Variants in GSE1 observed in about 807,000 individuals in gnomAD.
GSE1 encodes genetic suppressor element 1.
A neutral mutation model predicts 112.6 loss-of-function variants in GSE1; 32 were observed. The ratio of observed to expected loss-of-function variants is 0.28; its 90% confidence interval spans 0.21 to 0.38. The LOEUF (loss-of-function observed/expected upper bound fraction) is 0.38. Ranked by LOEUF, GSE1 falls within the 10% of genes least tolerant of loss-of-function variation. The pLI is 1.00. For synonymous variants in GSE1, 1,115 were observed against 735.6 expected (o/e 1.52, Z -8.35); for missense variants, 2,348 against 1,699.2 (o/e 1.38, Z -6.71).
chr16:85,567,223 G>A (rs2045795771), intron 1 of GSE1, among the ~76,000 whole-genome samples: 2 of 152,154 alleles, frequency 1.3e-5, no homozygotes, highest in Admixed American at 1.3e-4. Flanking sequence ...GCTGGTGGGT[G>A]GGTCTGCAGG....
Position 85,634,000 on chromosome 16 carries a change from T to G in GSE1, c.94T>G (p.Ser32Ala). Reference protein sequence around the residue: ...TTATVNPLTPSPLNGALVPSG... With the variant: ...TTATVNPLTPAPLNGALVPSG... ...CGCCACCGTCAACCCCCTCACCCCC[T>G]CGCCGCTCAATGGCGCCCTGGTGCC... The change falls in exon 2 of 16, where the codon TCG (serine) becomes GCG (alanine). Residue 32 changes from serine to alanine, a missense_variant. By Grantham distance (99) the Ser-to-Ala change is moderately conservative. Transcript: ENST00000253458. 2 of 1,609,818 alleles carry G rather than the reference T, an allele frequency of 1.2e-6. No individual in the cohort carries two copies. The highest frequency in any genetic ancestry group is 1.7e-6 in the Non-Finnish European group (2 of 1,178,462).
intron 1 of GSE1, among the ~76,000 whole-genome samples, chr16:85,334,228 C>A (rs568907578): frequency 1.3e-5 from 2 of 152,172 alleles, no homozygotes; most frequent in Non-Finnish European, 2.9e-5. Flanking sequence ...TTGCAGGAGT[C>A]GAGCTGGTCC....
chr16:85,664,277 C>T (rs1279724520), intron 11 of GSE1, among the ~76,000 whole-genome samples: 5 of 152,228 alleles, frequency 3.3e-5, no homozygotes, highest in Non-Finnish European at 5.9e-5. Flanking sequence ...TTCAAGTCCT[C>T]GTGGGCCCCT....
chr16:85,362,179 G>T (rs977373239), intron 2 of GSE1, among the ~76,000 whole-genome samples: 1 of 152,256 alleles, frequency 6.6e-6, no homozygotes, highest in Admixed American at 6.5e-5. Context: ...GCTGCCGGGA[G>T]AAGGGTGCAA....
intron 1 of GSE1, among the ~76,000 whole-genome samples, chr16:85,180,780 T>C (rs1305954799): frequency 6.6e-6 from 1 of 151,918 alleles, no homozygotes; most frequent in Admixed American, 6.6e-5. Context: ...GGGAGGGAGA[T>C]GAAGGTAGAT....
intron 1 of GSE1, among the ~76,000 whole-genome samples, chr16:85,202,944 C>T (rs1389983806): frequency 6.6e-6 from 1 of 151,200 alleles, no homozygotes; most frequent in African/African-American, 2.4e-5. Flanking sequence ...CCTCTCCCTT[C>T]GCCTCCTCCC....
chr16:85,468,822 T>C (rs11149750), intron 2 of GSE1, among the ~76,000 whole-genome samples: 149,150 of 152,090 alleles, frequency 0.98, 73,196 homozygotes, highest in Middle Eastern at 1. Context: ...CTGATGGCAT[T>C]GACCATCTAC....
intron 2 of GSE1, among the ~76,000 whole-genome samples, chr16:85,476,333 C>T (rs1259117821): frequency 6.6e-6 from 1 of 152,178 alleles, no homozygotes; most frequent in Non-Finnish European, 1.5e-5. Context: ...AACTTGCAGG[C>T]ACCTGCCGAG....
exon 1 of GSE1, chr16:85,169,614 C>T (rs2074327374): frequency 1.0e-6 from 1 of 982,872 alleles, no homozygotes. Flanking sequence ...CGCTCTCCTG[C>T]TTCATCTGCG....
chr16:85,420,602 TCA>T (rs1414384191), intron 2 of GSE1, among the ~76,000 whole-genome samples: 8 of 152,208 alleles, frequency 5.3e-5, no homozygotes, highest in Non-Finnish European at 1.2e-4. Context: ...GTGACGCGAC[TCA>T]CAAACACTGG....
intron 1 of GSE1, among the ~76,000 whole-genome samples, chr16:85,627,722 C>T (rs993188309): frequency 4.6e-5 from 7 of 152,146 alleles, no homozygotes; most frequent in East Asian, 1.9e-4. Context: ...CACGGTGGAG[C>T]GTATTCCCAG....
Position 85,470,064 on chromosome 16 carries a change from G to T in GSE1, c.2464+112421G>T, listed in dbSNP as rs193009833. On this transcript the variant is annotated intron_variant, in intron 2 of 2. Transcript: ENST00000637419. ...CTGCCCAGAGGCCCCTCCCTGGGAT[G>T]TGCTCACTCTGAGGGTGAGGGCCAC... is the stretch of plus-strand genomic sequence containing the variant. Among the ~76,000 whole-genome samples, 347 of 152,384 alleles carry T rather than the reference G, an allele frequency of 2.3e-3. 3 individuals carry two copies. Among genetic ancestry groups the T allele is most frequent in the Non-Finnish European group, 8.1e-4 (55 of 68,038 alleles).
intron 2 of GSE1, among the ~76,000 whole-genome samples, chr16:85,508,192 C>T (rs755429309): frequency 6.6e-6 from 1 of 152,166 alleles, no homozygotes; most frequent in Non-Finnish European, 1.5e-5. Flanking sequence ...CGTCACCACG[C>T]CCAGCTAATT....
chr16:85,192,747 C>A (rs144429531), intron 1 of GSE1, among the ~76,000 whole-genome samples: 3 of 152,364 alleles, frequency 2.0e-5, no homozygotes, highest in African/African-American at 7.2e-5. Flanking sequence ...GGGATATTCT[C>A]TTTGGCAGCC....
intron 1 of GSE1, among the ~76,000 whole-genome samples, chr16:85,596,879 TA>T (rs1190642493): frequency 6.6e-6 from 1 of 152,148 alleles, no homozygotes; most frequent in Non-Finnish European, 1.5e-5. Context: ...CTACTAAAAA[TA>T]CAAAAATTAT....
rs534122614 is a variant in GSE1 at position 85,585,229 on chromosome 16, G to C, written c.37+28866G>C. On this transcript the variant is annotated intron_variant, in intron 1 of 2. Transcript: ENST00000635906. ...CCCCTGCTGCAGCCCTGCCTGCCCT[G>C]CTGTGTGTCACCGGCGTCCTGGGGT... Among the ~76,000 whole-genome samples the C allele has an allele frequency of 4.6e-5, 7 of 152,340 alleles. No homozygotes were observed. In the South Asian group the frequency reaches 1.2e-3, roughly 27 times the overall value.
intron 2 of GSE1, among the ~76,000 whole-genome samples, chr16:85,397,843 T>A (rs1192134565): frequency 6.6e-6 from 1 of 152,136 alleles, no homozygotes; most frequent in African/African-American, 2.4e-5. Flanking sequence ...CCTGGGATCC[T>A]CCTCCTCCAG....
At chr16:85,386,092 C>A (rs2047682702) in intron 2 of GSE1, among the ~76,000 whole-genome samples, 1 of 152,186 alleles carries the variant, frequency 6.6e-6, no homozygotes. Flanking sequence ...TGTGACAGGT[C>A]AGGGTTGAGG....
chr16:85,274,598 G>A (rs1909172095), intron 1 of GSE1, among the ~76,000 whole-genome samples: 1 of 152,208 alleles, frequency 6.6e-6, no homozygotes, highest in Non-Finnish European at 1.5e-5. Flanking sequence ...GCCTCTGTGG[G>A]CAGGGGACCT....
Sources: gnomAD v4.1 joint callset for allele counts (sites outside exome capture counted in the v4.1 genomes callset) on GRCh38, gnomAD v4.1.1 for gene constraint, MANE v1.5 for transcripts, NCBI Gene and HGNC (gene_info 2026-07-23, HGNC 2026-07-21) for gene names.